Variants in TET3 observed in about 807,000 individuals in gnomAD.
TET3 encodes tet methylcytosine dioxygenase 3.
In TET3, 19 loss-of-function variants were observed where a neutral mutation model predicts 141.4. The observed-to-expected ratio is 0.13, with a 90% CI of 0.09 to 0.20. The LOEUF (loss-of-function observed/expected upper bound fraction) is 0.20, where lower values mean the gene tolerates loss of function less well. Ranked by LOEUF, TET3 falls within the 10% of genes least tolerant of loss-of-function variation. The pLI is 1.00. For missense variants in TET3, 1,874 were observed against 2,356.9 expected (o/e 0.80, Z 4.24); for synonymous variants, 1,043 against 980.9 (o/e 1.06, Z -1.18).
intron 3 of TET3, among the ~76,000 whole-genome samples, chr2:74,039,561 TAA>T (rs1193330736): frequency 6.6e-6 from 1 of 152,242 alleles, no homozygotes; most frequent in Non-Finnish European, 1.5e-5. Flanking sequence ...CACAGTAGTA[TAA>T]AACAGTAATC....
At chr2:74,063,163 C>A (rs1346559668) in intron 4 of TET3, among the ~76,000 whole-genome samples, 1 of 150,862 alleles carries the variant, frequency 6.6e-6, no homozygotes, top group Non-Finnish European at 1.5e-5. Context: ...GGATTACAGG[C>A]CTGAGCCACC....
downstream of TET3, among the ~76,000 whole-genome samples, chr2:74,111,943 G>C (rs910380545): frequency 6.6e-6 from 1 of 152,190 alleles, no homozygotes; most frequent in African/African-American, 2.4e-5. Flanking sequence ...AGAGGCACAG[G>C]TTGCAACAAA....
chr2:74,071,390 A>G (rs1012067146), intron 4 of TET3, among the ~76,000 whole-genome samples: 2 of 152,226 alleles, frequency 1.3e-5, no homozygotes, highest in Non-Finnish European at 2.9e-5. Flanking sequence ...TGTGGGTTTT[A>G]ATGTGTGTGA....
chr2:74,070,163 G>T (rs768486542), intron 4 of TET3, among the ~76,000 whole-genome samples: 1 of 152,144 alleles, frequency 6.6e-6, no homozygotes, highest in South Asian at 2.1e-4. Flanking sequence ...GTATTCTGCT[G>T]TATTAGTCCA....
chr2:74,112,786 A>C (rs1691732786), downstream of TET3, among the ~76,000 whole-genome samples: 1 of 151,916 alleles, frequency 6.6e-6, no homozygotes, highest in African/African-American at 2.4e-5. Flanking sequence ...ATGGATCATG[A>C]GGTCAGAAGT....
At chr2:74,052,502 A>G (rs1351799757) in intron 4 of TET3, among the ~76,000 whole-genome samples, 1 of 149,404 alleles carries the variant, frequency 6.7e-6, no homozygotes, top group Middle Eastern at 3.2e-3. Flanking sequence ...GCCATCTAAG[A>G]GCTGATAACA....
chr2:73,993,392 C>T (rs373451521), intron 2 of TET3: 4 of 152,256 alleles, frequency 2.6e-5, no homozygotes, highest in Non-Finnish European at 5.9e-5. Context: ...CTACCCCAGA[C>T]CTGCTGAATT....
At chr2:74,018,972 G>A (rs972146482) in intron 3 of TET3, among the ~76,000 whole-genome samples, 2 of 152,180 alleles carry the variant, frequency 1.3e-5, no homozygotes, top group Admixed American at 6.5e-5. Flanking sequence ...AAGGCCAGGT[G>A]TGGTGGCTCA....
intron 3 of TET3, among the ~76,000 whole-genome samples, chr2:74,016,094 G>A (rs747244061): frequency 2.6e-5 from 4 of 151,960 alleles, no homozygotes; most frequent in African/African-American, 4.8e-5. Flanking sequence ...CAGGCTGGGC[G>A]TGGTGGCTCA....
At chr2:74,066,163 A>G (rs1196641769) in intron 4 of TET3, among the ~76,000 whole-genome samples, 1 of 152,232 alleles carries the variant, frequency 6.6e-6, no homozygotes, top group Non-Finnish European at 1.5e-5. Context: ...TCCAGTGGAC[A>G]GGACCCGAGT....
chr2:74,032,131 C>G (rs1573739404), intron 3 of TET3, among the ~76,000 whole-genome samples: 1 of 152,310 alleles, frequency 6.6e-6, no homozygotes, highest in South Asian at 2.1e-4. Context: ...CTTCTCTAAA[C>G]CTGGCCCCTT....
intron 8 of TET3, among the ~76,000 whole-genome samples, 162 bp from the exon 9 acceptor site, chr2:74,092,740 A>T (rs893177364): frequency 3.9e-5 from 6 of 152,192 alleles, no homozygotes; most frequent in Non-Finnish European, 7.4e-5. Flanking sequence ...TGTGAAGTGG[A>T]CACAGCACCA....
At chr2:74,036,043 C>T (rs1469773600) in intron 3 of TET3, among the ~76,000 whole-genome samples, 1 of 152,146 alleles carries the variant, frequency 6.6e-6, no homozygotes, top group African/African-American at 2.4e-5. Context: ...TAAACCCCGT[C>T]GGCACTTGGT....
chr2:73,984,952 G>A lies in TET3; in HGVS notation c.-630G>A, dbSNP rs1477660127. On this transcript the variant is annotated 5_prime_UTR_variant, in exon 1 of 12. Transcript: ENST00000409262. The surrounding 1 kb of genome is among the most constrained non-coding windows in gnomAD (Gnocchi z 5.6). Reference sequence around the variant, plus strand: ...TCATTGCTGCTGCTGCTGCCGCCGCGGCCGCCGCTGCCTCTTCCTTCCTCC... The same window carrying A: ...TCATTGCTGCTGCTGCTGCCGCCGCAGCCGCCGCTGCCTCTTCCTTCCTCC... Among the ~76,000 whole-genome samples, 3 of 146,880 alleles carry A rather than the reference G, an allele frequency of 2.0e-5. No individual in the cohort carries two copies. Among genetic ancestry groups the A allele is most frequent in the Non-Finnish European group, 3.0e-5 (2 of 65,914 alleles).
the TET3 span, among the ~76,000 whole-genome samples, chr2:74,129,339 A>C: frequency 6.7e-6 from 1 of 149,306 alleles, no homozygotes; most frequent in African/African-American, 2.5e-5. Context: ...AAAAAAAAAA[A>C]AAAAAAAACC....
chr2:74,102,302 A>G lies in TET3; in HGVS notation c.*126A>G. On this transcript the variant is annotated 3_prime_UTR_variant, in exon 12 of 12. Transcript: ENST00000409262. ...TTTTTATCTCTATATACATATATAG[A>G]TGCGCATATCATATATATGTATTTA... 10 of 1,263,272 alleles carry G rather than the reference A, an allele frequency of 7.9e-6. No homozygotes were observed. Among genetic ancestry groups the G allele is most frequent in the Non-Finnish European group, 1.0e-5 (10 of 999,034 alleles). 78.3% of individuals were successfully genotyped at this position (1,263,272 alleles called of 1,614,324 possible).
chr2:74,099,220 C>T, intron 10 of TET3, 56 bp from the exon 11 acceptor site: 5 of 1,477,642 alleles, frequency 3.4e-6, no homozygotes, highest in Non-Finnish European at 4.6e-6. Flanking sequence ...AGACCCCTCT[C>T]TCCCAGCACT....
chr2:74,088,330 G>T (rs973928263), intron 7 of TET3, among the ~76,000 whole-genome samples: 2 of 152,152 alleles, frequency 1.3e-5, no homozygotes, highest in Non-Finnish European at 2.9e-5. Context: ...CCCATAAATA[G>T]AAGGTATCGA....
At chr2:73,985,337 G>A (rs1359298448) in intron 1 of TET3, among the ~76,000 whole-genome samples, 180 bp downstream of exon 1, 1 of 141,226 alleles carries the variant, frequency 7.1e-6, no homozygotes, top group Admixed American at 6.9e-5. Context: ...GGCGGGGGTG[G>A]CGGGGCGGGG....
Sources: allele counts gnomAD v4.1 joint callset (sites outside exome capture counted in the v4.1 genomes callset), GRCh38; gene constraint gnomAD v4.1.1; non-coding constraint Gnocchi (gnomAD v3.1); transcripts MANE v1.5; gene names NCBI Gene and HGNC (gene_info 2026-07-23, HGNC 2026-07-21).